ROR1: variants seen among roughly 807,000 people sequenced by gnomAD.
ROR1 encodes the protein ROR family WNT receptor 1, also known as inactive tyrosine-protein kinase transmembrane receptor ROR1.
Under a neutral mutation model 78.8 loss-of-function variants are expected in ROR1, and 19 were observed. The ratio of observed to expected loss-of-function variants is 0.24; its 90% confidence interval spans 0.17 to 0.35. The LOEUF (loss-of-function observed/expected upper bound fraction) is 0.35. Ranked by LOEUF, ROR1 falls within the 10% of genes least tolerant of loss-of-function variation. ROR1 has a pLI of 1.00. For missense variants in ROR1, 917 were observed against 1,177.8 expected, an observed-to-expected ratio of 0.78 and a Z score of 3.24; for synonymous variants, 386 against 433.6, an observed-to-expected ratio of 0.89 and a Z score of 1.36.
chr1:64,174,011 C>G (rs1197903796), intron 8 of ROR1, among the ~76,000 whole-genome samples: 1 of 151,918 alleles, frequency 6.6e-6, no homozygotes, highest in African/African-American at 2.4e-5. Context: ...TACAGGAGAA[C>G]AGAGAAAGAT....
Position 64,088,602 on chromosome 1 carries a change from C to T in ROR1, c.482+37886C>T, listed in dbSNP as rs181982778. Among the ~76,000 whole-genome samples, 418 of 100,858 alleles carry T rather than the reference C, an allele frequency of 4.1e-3. 1 individual carries two copies. The highest frequency in any genetic ancestry group is 7.2e-3 in the Middle Eastern group (1 of 138). The allele number at this position is 100,858 out of a possible 152,430, so 66.2% of individuals were successfully genotyped here. On this transcript the variant is annotated intron_variant, in intron 4 of 8. Transcript: ENST00000371079. Reference sequence around the variant, plus strand: ...TTTCCCATGCATGGGGCGGGGGGGTCGGGGCTAGCGAGCTAATAAATATCC... The same window carrying T: ...TTTCCCATGCATGGGGCGGGGGGGTTGGGGCTAGCGAGCTAATAAATATCC...
intron 4 of ROR1, among the ~76,000 whole-genome samples, chr1:64,059,594 A>G (rs1475414308): frequency 6.6e-6 from 1 of 151,968 alleles, no homozygotes; most frequent in African/African-American, 2.4e-5. Flanking sequence ...CTGTAATCCC[A>G]GCTACTCAGG....
In ROR1 at chr1:64,133,583, A is replaced by G. The variant is rs138875452; in HGVS notation, c.483-3786A>G. On this transcript the variant is annotated intron_variant, in intron 4 of 8. Transcript: ENST00000371079. ...TAGAGGCTGGCAACATGGTAACTCA[A>G]TTACCTTTATGAGAAACATGAGCTC... Among the ~76,000 whole-genome samples, 787 of 152,310 alleles carry G rather than the reference A, an allele frequency of 5.2e-3. 10 individuals are homozygous for G. Among genetic ancestry groups the G allele is most frequent in the African/African-American group, 0.018 (755 of 41,566 alleles).
chr1:63,849,038 G>T (rs1267955917), intron 1 of ROR1, among the ~76,000 whole-genome samples: 2 of 152,128 alleles, frequency 1.3e-5, no homozygotes, highest in African/African-American at 4.8e-5. Flanking sequence ...TGGTCCTTAG[G>T]TGACAAGAAT....
intron 4 of ROR1, among the ~76,000 whole-genome samples, chr1:64,080,861 G>T (rs1438794120): frequency 6.6e-6 from 1 of 152,176 alleles, no homozygotes; most frequent in Non-Finnish European, 1.5e-5. Flanking sequence ...TCCAAGCCAG[G>T]ATAAGACCAA....
At chr1:63,915,574 T>C (rs552179209) in intron 1 of ROR1, among the ~76,000 whole-genome samples, 21 of 152,058 alleles carry the variant, frequency 1.4e-4, no homozygotes, top group Non-Finnish European at 2.8e-4. Context: ...CATATGACTA[T>C]TACCAAGGAC....
Position 63,847,621 on chromosome 1 carries a change from G to A in ROR1, c.91+73113G>A, listed in dbSNP as rs530388499. Among the ~76,000 whole-genome samples, 188 of 152,202 alleles carry A rather than the reference G, an allele frequency of 1.2e-3. 1 individual carries two copies. The highest frequency in any genetic ancestry group is 4.3e-3 in the African/African-American group (177 of 41,516). On this transcript the variant is annotated intron_variant, in intron 1 of 8. Transcript: ENST00000371079. Reference sequence around the variant, plus strand: ...ACTTCTGTCTGCCCTGCGAGGCTGGGTCGGTAAAACCCACTTCAATTGAAA... The same window carrying A: ...ACTTCTGTCTGCCCTGCGAGGCTGGATCGGTAAAACCCACTTCAATTGAAA...
intron 4 of ROR1, among the ~76,000 whole-genome samples, chr1:64,080,363 A>G (rs556288983): frequency 2.6e-5 from 4 of 152,292 alleles, no homozygotes; most frequent in African/African-American, 9.6e-5. Context: ...TCAACAAAGA[A>G]TCAGCCAGCC....
intron 7 of ROR1, among the ~76,000 whole-genome samples, chr1:64,152,948 TA>T (rs1649669708): frequency 6.6e-6 from 1 of 152,226 alleles, no homozygotes; most frequent in Non-Finnish European, 1.5e-5. Flanking sequence ...ATCTTGTCCA[TA>T]AGAATGTCAT....
At chr1:64,115,395 A>G (rs1350056710) in intron 4 of ROR1, among the ~76,000 whole-genome samples, 1 of 151,408 alleles carries the variant, frequency 6.6e-6, no homozygotes, top group East Asian at 1.9e-4. Flanking sequence ...TTTAATTTTT[A>G]TTTATTTATT....
intron 2 of ROR1, among the ~76,000 whole-genome samples, chr1:64,010,846 G>A (rs912478200): frequency 5.9e-5 from 9 of 152,056 alleles, no homozygotes; most frequent in African/African-American, 1.9e-4. Flanking sequence ...CTCCCCTGCC[G>A]CCCTGTGAAG....
At chr1:63,872,448 ATG>A in intron 1 of ROR1, among the ~76,000 whole-genome samples, 1 of 151,972 alleles carries the variant, frequency 6.6e-6, no homozygotes, top group East Asian at 1.9e-4. Flanking sequence ...TCCCTGCAAC[ATG>A]GGGTTGGTAG....
chr1:64,127,028 C>G (rs1648734715), intron 4 of ROR1, among the ~76,000 whole-genome samples: 1 of 152,068 alleles, frequency 6.6e-6, no homozygotes, highest in South Asian at 2.1e-4. Context: ...CACCTTTTTT[C>G]AAGTTTGTTT....
At chr1:63,975,720 G>T (rs1382982074) in intron 1 of ROR1, among the ~76,000 whole-genome samples, 8 of 152,152 alleles carry the variant, frequency 5.3e-5, no homozygotes. Flanking sequence ...CCTGTCTGAG[G>T]TTTATGCTAT....
chr1:64,050,845 C>A, intron 4 of ROR1, 129 bp downstream of exon 4: 1 of 887,148 alleles, frequency 1.1e-6, no homozygotes, highest in South Asian at 1.4e-5. Flanking sequence ...TTGCCCTGCC[C>A]TCATTCCATT....
intron 4 of ROR1, among the ~76,000 whole-genome samples, chr1:64,078,614 T>C (rs951717232): frequency 2.4e-4 from 37 of 152,090 alleles, no homozygotes; most frequent in Non-Finnish European, 7.4e-5. Flanking sequence ...AAACTAAAAA[T>C]GCCGGACAGA....
chr1:63,962,326 A>G (rs1038852136), intron 1 of ROR1, among the ~76,000 whole-genome samples: 25 of 152,258 alleles, frequency 1.6e-4, no homozygotes, highest in Non-Finnish European at 2.6e-4. Flanking sequence ...GATGGATCTA[A>G]CTTGTTAACA....
chr1:63,784,818 C>T (rs1424514679), intron 1 of ROR1, among the ~76,000 whole-genome samples: 3 of 152,222 alleles, frequency 2.0e-5, no homozygotes, highest in Non-Finnish European at 4.4e-5. Flanking sequence ...GTGATCGAAG[C>T]TACATCTCTC....
chr1:63,794,754 C>T lies in ROR1; in HGVS notation c.91+20246C>T, dbSNP rs368118719. On this transcript the variant is annotated intron_variant, in intron 1 of 8. Transcript: ENST00000371079. ...GAAGCAGCGAGCAAGAAGGGAGCAG[C>T]GGAGGGAACATATCAATATGATGTA... Among the ~76,000 whole-genome samples, 24 of 152,266 alleles carry T rather than the reference C, an allele frequency of 1.6e-4. No individual in the cohort carries two copies. The East Asian group carries it at 4.6e-3, about 29-fold the overall frequency.
Sources: allele counts gnomAD v4.1 joint callset (sites outside exome capture counted in the v4.1 genomes callset), GRCh38; gene constraint gnomAD v4.1.1; transcripts MANE v1.5; gene names NCBI Gene and HGNC (gene_info 2026-07-23, HGNC 2026-07-21).